The following ATRX variants were observed in gnomAD, a reference collection of about 807,000 sequenced individuals.
ATRX encodes the protein ATRX chromatin remodeler, also known as chromatin remodeler ATRX.
In ATRX, 12 loss-of-function variants were observed where a neutral mutation model predicts 172.6. The observed-to-expected ratio is 0.07, with a 90% CI of 0.04 to 0.11. The LOEUF (loss-of-function observed/expected upper bound fraction) is 0.11, where lower values mean the gene tolerates loss of function less well. Ranked by LOEUF, ATRX falls within the 10% of genes least tolerant of loss-of-function variation. The pLI, the probability that ATRX is intolerant of heterozygous loss-of-function variation, is 1.00. For synonymous variants in ATRX, 674 were observed against 594.7 expected, an observed-to-expected ratio of 1.13 and a Z score of -1.94; for missense variants, 1,368 against 1,767.4, an observed-to-expected ratio of 0.77 and a Z score of 4.05.
chrX:77,622,912 C>A (rs186056485), intron 19 of ATRX, among the ~76,000 whole-genome samples: 130 of 110,064 alleles, frequency 1.2e-3, no homozygotes, highest in Non-Finnish European at 1.6e-3. Context: ...TGAGGCAGTG[C>A]TAAGAGGAAA....
chrX:77,736,416 C>T (rs1334298385), intron 1 of ATRX, among the ~76,000 whole-genome samples: 1 of 112,131 alleles, frequency 8.9e-6, no homozygotes, highest in Non-Finnish European at 1.9e-5. Flanking sequence ...AATGTGGATA[C>T]ACATTTCTCA....
Position 77,634,548 on chromosome X carries a change from A to C in ATRX, c.4809+46T>G, listed in dbSNP as rs1557107130. ...AACATAATAGAATCCAATATATATT[A>C]ATGAATCCACAAAAACAGGATACCT... On this transcript the variant is annotated intron_variant, in intron 17 of 34. Transcript: ENST00000373344. 4 of 1,034,779 alleles carry C rather than the reference A, an allele frequency of 3.9e-6. No individual in the cohort carries two copies. In the East Asian group the frequency reaches 1.2e-4, roughly 31 times the overall value. 85.3% of individuals were successfully genotyped at this position (1,034,779 alleles called of 1,213,427 possible).
intron 13 of ATRX, among the ~76,000 whole-genome samples, chrX:77,655,694 T>C (rs1217327818): frequency 9.2e-6 from 1 of 108,901 alleles, no homozygotes; most frequent in Non-Finnish European, 1.9e-5. Flanking sequence ...GAATTGTATC[T>C]TGGTTTAAAA....
intron 27 of ATRX, among the ~76,000 whole-genome samples, chrX:77,579,826 C>A (rs782166531): frequency 8.9e-6 from 1 of 111,956 alleles, no homozygotes; most frequent in Admixed American, 9.5e-5. Flanking sequence ...AACAGGGAAT[C>A]GGGAAAATCC....
At position 77,562,293 on chromosome X, in the gene ATRX, T is replaced by TTTAG. The variant is rs1557062429; in HGVS notation, c.6327-3448_6327-3447insCTAA. Among the ~76,000 whole-genome samples the TTTAG allele has an allele frequency of 2.0e-4, 22 of 112,366 alleles. No homozygotes were observed. The Admixed American group carries it at 2.1e-3, about 11-fold the overall frequency. On this transcript the variant is annotated intron_variant, in intron 28 of 34. Coordinates refer to ENST00000373344, the MANE Select transcript of ATRX (RefSeq NM_000489.6). ...TTGTGTTTAGGTTTTTATGTGAAAA[T>TTTAG]GTTTTCATTTCCATGGGATACATTT...
intron 1 of ATRX, among the ~76,000 whole-genome samples, chrX:77,745,656 A>C (rs782080482): frequency 9.0e-6 from 1 of 111,371 alleles, no homozygotes; most frequent in South Asian, 3.8e-4. Context: ...AATATGTATA[A>C]AAATATAGTT....
intron 15 of ATRX, among the ~76,000 whole-genome samples, chrX:77,637,677 C>T (rs1196106400): frequency 9.0e-6 from 1 of 110,549 alleles, no homozygotes; most frequent in African/African-American, 3.3e-5. Flanking sequence ...CACGGTGGCT[C>T]ACTCCTATAA....
intron 30 of ATRX, among the ~76,000 whole-genome samples, chrX:77,536,893 C>T (rs890296068): frequency 2.7e-5 from 3 of 111,255 alleles, no homozygotes; most frequent in African/African-American, 9.8e-5. Context: ...GTAACTTTGT[C>T]AACTGGGAGG....
intron 28 of ATRX, among the ~76,000 whole-genome samples, chrX:77,562,039 C>T (rs2065037427): frequency 8.9e-6 from 1 of 112,051 alleles, no homozygotes. Context: ...CTTCCCCTAA[C>T]CCTAAACCCT....
intron 15 of ATRX, among the ~76,000 whole-genome samples, chrX:77,645,376 T>C (rs1227507333): frequency 1.3e-4 from 14 of 111,546 alleles, no homozygotes; most frequent in African/African-American, 4.2e-4. Context: ...TGGCCTCAAG[T>C]GATCCTCCCG....
intron 1 of ATRX, among the ~76,000 whole-genome samples, chrX:77,768,765 T>C (rs782337176): frequency 8.9e-6 from 1 of 111,940 alleles, no homozygotes; most frequent in South Asian, 3.7e-4. Context: ...ATTATAATAA[T>C]AACATTAAAA....
At chrX:77,725,380 C>T (rs2073984340) in intron 1 of ATRX, among the ~76,000 whole-genome samples, 1 of 111,911 alleles carries the variant, frequency 8.9e-6, no homozygotes, top group Admixed American at 9.5e-5. Context: ...GAAAGAATTC[C>T]CTATTTAACA....
intron 6 of ATRX, among the ~76,000 whole-genome samples, chrX:77,691,954 G>A (rs1473349512): frequency 8.9e-5 from 10 of 111,796 alleles, no homozygotes; most frequent in South Asian, 7.4e-4. Context: ...TCCCTTAAGC[G>A]TGATACCAAA....
chrX:77,695,354 C>T (rs781833589), intron 5 of ATRX, among the ~76,000 whole-genome samples: 3 of 111,491 alleles, frequency 2.7e-5, no homozygotes, highest in East Asian at 5.6e-4. Context: ...AATATAAACA[C>T]CCAAATTTAA....
rs113545269 is a variant in ATRX, at chrX:77,575,411, G to A, written c.6218-1053C>T. ...CACATCCAAGAAAAAAAGAATTTGA[G>A]ATGGATACTTGCATAAAAAGGTAAG... On this transcript the variant is annotated intron_variant, in intron 27 of 34. Coordinates refer to ENST00000373344, the MANE Select transcript of ATRX (RefSeq NM_000489.6). 219 of 110,174 alleles carry A rather than the reference G, an allele frequency of 2.0e-3. 2 individuals carry two copies. The highest frequency in any genetic ancestry group is 6.8e-3 in the African/African-American group (206 of 30,417). 9.1% of individuals were successfully genotyped at this position (110,174 alleles called of 1,213,427 possible).
At chrX:77,631,523 T>C (rs1394005527) in intron 19 of ATRX, among the ~76,000 whole-genome samples, 1 of 111,076 alleles carries the variant, frequency 9.0e-6, no homozygotes, top group Non-Finnish European at 1.9e-5. Context: ...ACATCATCAG[T>C]AACAGCAAGT....
intron 28 of ATRX, among the ~76,000 whole-genome samples, chrX:77,567,879 A>T (rs1396115023): frequency 9.0e-6 from 1 of 111,253 alleles, no homozygotes; most frequent in Non-Finnish European, 1.9e-5. Flanking sequence ...AGAAATCCAC[A>T]ACAGAAAAAT....
In ATRX at chrX:77,652,171, C is replaced by T. The variant is rs1352445437; in HGVS notation, c.4500G>A (p.Glu1500=). The T allele has an allele frequency of 8.3e-7, 1 of 1,211,605 alleles. No homozygotes were observed. Among genetic ancestry groups the T allele is most frequent in the Non-Finnish European group, 1.1e-6 (1 of 895,500 alleles). Reference sequence around the variant, plus strand: ...CAGCAATACGTTTTCGTCTCTCTTCCTCTTCCTTAAGAGCATTTTGTGTTT... The same window carrying T: ...CAGCAATACGTTTTCGTCTCTCTTCTTCTTCCTTAAGAGCATTTTGTGTTT... The part of the protein sequence containing the change: ...RTETQNALKE[E]EERRKRIAER... Residue 1500 remains glutamate, a synonymous_variant, in exon 15 of 35, where the codon GAG becomes GAA. Transcript: ENST00000373344.
At chrX:77,737,477 TATAATAA>T (rs1283538570) in intron 1 of ATRX, among the ~76,000 whole-genome samples, 6 of 55,519 alleles carry the variant, frequency 1.1e-4, no homozygotes, top group Non-Finnish European at 2.6e-4. Flanking sequence ...ACAGGGTGTA[TATAATAA>T]ATAATAGATA....
Sources: allele counts gnomAD v4.1 joint callset (sites outside exome capture counted in the v4.1 genomes callset), GRCh38; gene constraint gnomAD v4.1.1; transcripts MANE v1.5; gene names NCBI Gene and HGNC (gene_info 2026-07-23, HGNC 2026-07-21).